SFXN5: variants seen among roughly 807,000 people sequenced by gnomAD.
SFXN5 encodes sideroflexin-5.
SFXN5 carries 43 observed loss-of-function variants against 50.2 expected under a neutral mutation model. The observed-to-expected ratio is 0.86, with a 90% CI of 0.67 to 1.11. The LOEUF (loss-of-function observed/expected upper bound fraction) is 1.11. SFXN5 is among the 50% of genes least tolerant of loss of function. The probability of loss-of-function intolerance (pLI) is 0.00; values close to 1 mark genes in which losing one functional copy is unlikely to be tolerated. For missense variants in SFXN5, 463 were observed against 454.1 expected, an observed-to-expected ratio of 1.02 and a Z score of -0.18; for synonymous variants, 203 against 185.8, an observed-to-expected ratio of 1.09 and a Z score of -0.75.
chr2:73,012,839 T>G (rs570277422), intron 6 of SFXN5, among the ~76,000 whole-genome samples: 9 of 152,106 alleles, frequency 5.9e-5, no homozygotes, highest in Non-Finnish European at 1.3e-4. Context: ...AGAGTGAAAT[T>G]ACATGCTACA....
chr2:72,975,392 G>T (rs192596653), intron 10 of SFXN5, among the ~76,000 whole-genome samples: 3 of 152,284 alleles, frequency 2.0e-5, no homozygotes. Flanking sequence ...CAGTACACTA[G>T]TCCTGCAACT....
intron 11 of SFXN5, 59 bp downstream of exon 11, chr2:72,971,511 G>C (rs999801203): frequency 1.5e-6 from 2 of 1,313,792 alleles, no homozygotes; most frequent in Non-Finnish European, 1.1e-6. Context: ...CACGCTAAAG[G>C]AAAACCACTC....
chr2:72,946,744 C>A (rs1364319706), intron 13 of SFXN5, among the ~76,000 whole-genome samples: 3 of 152,168 alleles, frequency 2.0e-5, no homozygotes, highest in Non-Finnish European at 2.9e-5. Context: ...CCCCGTCCCT[C>A]CCCACAAGGT....
rs772830795 is a variant in SFXN5 at position 72,960,827 on chromosome 2, G to A, written c.945+304C>T. On this transcript the variant is annotated intron_variant, in intron 13 of 13. Coordinates refer to ENST00000272433, the MANE Select transcript of SFXN5 (RefSeq NM_144579.3). The surrounding 1 kb of genome is among the most constrained non-coding windows in gnomAD (Gnocchi z 6.1). ...TTTTCATCTGGCCAACTCCAGCCAC[G>A]CTCCCAGTCCCAGTGAAATGTCACT... Among the ~76,000 whole-genome samples, 5 of 151,990 alleles carry A rather than the reference G, an allele frequency of 3.3e-5. No homozygotes were observed. The highest frequency in any genetic ancestry group is 2.1e-4 in the South Asian group (1 of 4,824).
Position 72,961,040 on chromosome 2 carries a change from G to A in SFXN5, c.945+91C>T, listed in dbSNP as rs532370583. 2.2e-5 allele frequency: 21 copies of A among 938,504 alleles called. No homozygotes were observed. Among genetic ancestry groups the A allele is most frequent in the Non-Finnish European group, 3.2e-5 (21 of 659,596 alleles). 58.1% of individuals were successfully genotyped at this position (938,504 alleles called of 1,614,324 possible). A position where few individuals can be genotyped will look rare whatever the true frequency, so the allele number is the denominator to read the frequency against. ...TTCCAGCCCCAGCGCCTAGCATGGCGCTAAGGAGTCGGCACGGTATGAGTA... is the reference window on the plus strand; with the variant it reads ...TTCCAGCCCCAGCGCCTAGCATGGCACTAAGGAGTCGGCACGGTATGAGTA... On this transcript the variant is annotated intron_variant, in intron 13 of 13. Coordinates refer to ENST00000272433, the MANE Select transcript of SFXN5 (RefSeq NM_144579.3). This position sits in a 1 kb window ranked among gnomAD's most constrained non-coding sequence, Gnocchi z 4.4.
rs370246045 is a variant in SFXN5 at position 72,998,957 on chromosome 2, A to T, written c.526T>A (p.Ser176Thr). ...GGGGAGGGAGTACTCACAGCAATGG[A>T]GACGGCGCTGATGACAGCTCCCAGG... ...GYLGAVISAV[S>T]IAVGLNVLVQ... Residue 176 changes from serine (S) to threonine (T), a missense_variant, in exon 9 of 14, where the codon TCC becomes ACC. Physicochemically the swap from Ser to Thr is moderately conservative, Grantham distance 58 (BLOSUM62 1). Transcript: ENST00000272433. 12 of 1,613,988 alleles carry T rather than the reference A, an allele frequency of 7.4e-6. No homozygotes were observed. The African/African-American group carries it at 1.1e-4, about 14-fold the overall frequency.
intron 12 of SFXN5, among the ~76,000 whole-genome samples, chr2:72,963,397 G>T (rs904603664): frequency 6.6e-6 from 1 of 152,148 alleles, no homozygotes; most frequent in Non-Finnish European, 1.5e-5. Context: ...GCTGGCTGAA[G>T]TACTCAGTGG....
At chr2:72,948,527 G>T (rs1170861193) in intron 13 of SFXN5, among the ~76,000 whole-genome samples, 1 of 152,200 alleles carries the variant, frequency 6.6e-6, no homozygotes, top group Non-Finnish European at 1.5e-5. Flanking sequence ...TCCCATGCCG[G>T]CTTTCACTGA....
At chr2:73,020,309 T>G in intron 5 of SFXN5, 45 bp from the exon 6 acceptor site, 1 of 1,608,978 alleles carries the variant, frequency 6.2e-7, no homozygotes, top group Non-Finnish European at 8.5e-7. Context: ...TCCACTCACA[T>G]CTCACCTGAG....
chr2:73,025,158 CAAA>C (rs988795258), intron 3 of SFXN5, among the ~76,000 whole-genome samples: 1 of 150,716 alleles, frequency 6.6e-6, no homozygotes, highest in Non-Finnish European at 1.5e-5. Flanking sequence ...ACAACAACAA[CAAA>C]AAAAAACATA....
chr2:73,064,379 G>A (rs13407719), intron 1 of SFXN5, among the ~76,000 whole-genome samples: 40,706 of 152,148 alleles, frequency 0.27, 6,789 homozygotes, highest in East Asian at 0.55. Context: ...TGCTCTGGGT[G>A]TGGCCTCCAG....
At chr2:72,966,564 C>A (rs1279012308) in intron 12 of SFXN5, among the ~76,000 whole-genome samples, 3 of 152,180 alleles carry the variant, frequency 2.0e-5, no homozygotes, top group African/African-American at 7.2e-5. Flanking sequence ...TGCTCAGGTA[C>A]CCCCAGAGCC....
At chr2:73,033,767 G>A (rs1240114358) in intron 3 of SFXN5, among the ~76,000 whole-genome samples, 3 of 152,198 alleles carry the variant, frequency 2.0e-5, no homozygotes, top group African/African-American at 4.8e-5. Context: ...GTGCAAAAGA[G>A]GAACACTATA....
chr2:73,013,406 C>CGTGTGTGTGTGTGT (rs61590375), intron 6 of SFXN5, among the ~76,000 whole-genome samples: 45 of 139,712 alleles, frequency 3.2e-4, no homozygotes, highest in African/African-American at 8.0e-4. Context: ...AGGGATATTT[C>CGTGTGTGTGTGTGT]GTGTGTGTGT....
chr2:73,068,856 T>C (rs1440573779), intron 1 of SFXN5, among the ~76,000 whole-genome samples: 1 of 151,014 alleles, frequency 6.6e-6, no homozygotes, highest in East Asian at 2.0e-4. Context: ...TGCAGGAGGC[T>C]TCTCCAAGAA....
intron 12 of SFXN5, among the ~76,000 whole-genome samples, 155 bp downstream of exon 12, chr2:72,968,293 A>C (rs146120129): frequency 6.6e-6 from 1 of 152,136 alleles, no homozygotes; most frequent in East Asian, 1.9e-4. Flanking sequence ...CACTACCTGG[A>C]AAGTCCAAGA....
At chr2:73,047,275 T>TATATAC (rs1300799277) in intron 2 of SFXN5, among the ~76,000 whole-genome samples, 4 of 51,744 alleles carry the variant, frequency 7.7e-5, no homozygotes, top group Admixed American at 3.0e-4. Flanking sequence ...TATATATATA[T>TATATAC]ACACACATAT....
chr2:73,009,764 G>C (rs919498294), intron 6 of SFXN5, among the ~76,000 whole-genome samples: 1 of 152,204 alleles, frequency 6.6e-6, no homozygotes, highest in Non-Finnish European at 1.5e-5. Flanking sequence ...ACCCCTGAAT[G>C]GCAGGGGAGT....
rs144132886 is a variant in SFXN5, at chr2:73,025,305, A to G, written c.250-2091T>C. Among the ~76,000 whole-genome samples the G allele has an allele frequency of 3.9e-5, 6 of 152,140 alleles. No individual in the cohort carries two copies. The East Asian group carries it at 9.7e-4, about 25-fold the overall frequency. ...ACCCCACACCCTCCACCCCAGTCGT[A>G]ACCTTCTGCATCCTCCCACCTCTGG... On this transcript the variant is annotated intron_variant, in intron 3 of 13. Coordinates refer to ENST00000272433, the MANE Select transcript of SFXN5 (RefSeq NM_144579.3).
Sources: allele counts gnomAD v4.1 joint callset (sites outside exome capture counted in the v4.1 genomes callset), GRCh38; gene constraint gnomAD v4.1.1; non-coding constraint Gnocchi (gnomAD v3.1); transcripts MANE v1.5; gene names NCBI Gene and HGNC (gene_info 2026-07-23, HGNC 2026-07-21).